Variants in LRRC3C observed in about 807,000 individuals in gnomAD.
LRRC3C encodes the protein leucine-rich repeat-containing protein 3C.
In LRRC3C, 11 loss-of-function variants were observed where a neutral mutation model predicts 14.8. The ratio of observed to expected loss-of-function variants is 0.74; its 90% CI spans 0.47 to 1.23. LRRC3C has a LOEUF of 1.23. Ranked by LOEUF, LRRC3C falls within the 50% of genes most tolerant of loss-of-function variation. The probability of loss-of-function intolerance (pLI) is 0.00; values close to 1 mark genes in which losing one functional copy is unlikely to be tolerated. For synonymous variants in LRRC3C, 149 were observed against 161.5 expected (o/e 0.92, Z 0.59); for missense variants, 354 against 361.8 (o/e 0.98, Z 0.18).
chr17:39,934,801 G>A (rs1438160256), intron 1 of LRRC3C: 2 of 152,226 alleles, frequency 1.3e-5, no homozygotes, highest in Non-Finnish European at 2.9e-5. Context: ...AGACAGAGCA[G>A]CCCCGAGGGC....
At chr17:39,931,557 A>G (rs969149269) in intron 1 of LRRC3C, among the ~76,000 whole-genome samples, 22 of 151,844 alleles carry the variant, frequency 1.4e-4, no homozygotes, top group African/African-American at 5.1e-4. Flanking sequence ...TGGACTGGGA[A>G]CCATAGGGAA....
intron 3 of LRRC3C, among the ~76,000 whole-genome samples, chr17:39,942,039 C>T (rs1286415643): frequency 6.6e-6 from 1 of 152,182 alleles, no homozygotes; most frequent in Admixed American, 6.5e-5. Flanking sequence ...GGGTCATCCA[C>T]ATGGATCACA....
intron 3 of LRRC3C, among the ~76,000 whole-genome samples, chr17:39,942,884 C>A (rs1978975776): frequency 6.6e-6 from 1 of 152,142 alleles, no homozygotes; most frequent in Non-Finnish European, 1.5e-5. Flanking sequence ...CCAGTTCTGC[C>A]CGCCAGGCCT....
Position 39,944,793 on chromosome 17 carries a change from G to T in LRRC3C, c.*59G>T. On this transcript the variant is annotated 3_prime_UTR_variant, in exon 4 of 4. Coordinates refer to ENST00000377924, the MANE Select transcript of LRRC3C (RefSeq NM_001195545.2). ...CTCCTGCCCCTATGCCCTCTCCTTT[G>T]CTCTGACCCCCTCTGCCTCCTGTGC... is the stretch of plus-strand genomic sequence containing the variant. 1 of 1,474,886 alleles carries T rather than the reference G, an allele frequency of 6.8e-7. No homozygotes were observed. Among genetic ancestry groups the T allele is most frequent in the South Asian group, 1.3e-5 (1 of 79,894 alleles). The allele number at this position is 1,474,886 out of a possible 1,614,324, so 91.4% of individuals were successfully genotyped here. A position where few individuals can be genotyped will look rare whatever the true frequency, so the allele number is the denominator to read the frequency against.
At chr17:39,934,473 T>G (rs1381873180) in intron 1 of LRRC3C, 1 of 152,086 alleles carries the variant, frequency 6.6e-6, no homozygotes, top group Non-Finnish European at 1.5e-5. Flanking sequence ...AGCTCCTCCC[T>G]CAGTAACAAT....
intron 2 of LRRC3C, chr17:39,939,389 G>T: frequency 1.0e-6 from 1 of 985,410 alleles, no homozygotes; most frequent in Non-Finnish European, 1.2e-6. Context: ...GCATTGTGGA[G>T]ACATGTCTGT....
intron 1 of LRRC3C, among the ~76,000 whole-genome samples, chr17:39,932,527 A>AC (rs147624649): frequency 0.078 from 5,556 of 71,268 alleles, 126 homozygotes; most frequent in Non-Finnish European, 0.089. Context: ...ACGTAATGAG[A>AC]CCCCCCCCCC....
chr17:39,931,521 G>A (rs1451286157), intron 1 of LRRC3C, among the ~76,000 whole-genome samples: 3 of 150,822 alleles, frequency 2.0e-5, no homozygotes, highest in Non-Finnish European at 2.9e-5. Context: ...AAATGATACA[G>A]TGATTGCATT....
chr17:39,931,057 G>A (rs1978637181), intron 1 of LRRC3C, among the ~76,000 whole-genome samples: 2 of 149,944 alleles, frequency 1.3e-5, no homozygotes, highest in Admixed American at 6.7e-5. Context: ...CAGGAGAATC[G>A]CTTGAACCCA....
In LRRC3C at chr17:39,935,797, T is replaced by C; in HGVS notation, c.-174-5T>C. On this transcript the variant is annotated splice_polypyrimidine_tract_variant and splice_region_variant and intron_variant, in intron 1 of 3. Transcript: ENST00000377924. ...TATGTATACACCCCTTGCTCTTTTC[T>C]ACAGGGAACAACAATAGCAGAGGCC... 2 of 985,318 alleles carry C rather than the reference T, an allele frequency of 2.0e-6. No homozygotes were observed. Among genetic ancestry groups the C allele is most frequent in the Non-Finnish European group, 2.4e-6 (2 of 829,824 alleles). 61.0% of individuals were successfully genotyped at this position (985,318 alleles called of 1,614,324 possible).
chr17:39,927,755 G>C lies in LRRC3C; in HGVS notation c.-234G>C, dbSNP rs773579397. 1.6e-4 allele frequency: 153 copies of C among 985,396 alleles called. No individual in the cohort carries two copies. Among genetic ancestry groups the C allele is most frequent in the Non-Finnish European group, 7.3e-5 (61 of 829,984 alleles). 61.0% of individuals were successfully genotyped at this position (985,396 alleles called of 1,614,324 possible). A position where few individuals can be genotyped will look rare whatever the true frequency, so the allele number is the denominator to read the frequency against. Reference sequence around the variant, plus strand: ...CTGGGCTCCGTTCCCGGCCTCTTCGGGGACGCACGGTTGGAAGTTGTACCG... The same window carrying C: ...CTGGGCTCCGTTCCCGGCCTCTTCGCGGACGCACGGTTGGAAGTTGTACCG... On this transcript the variant is annotated 5_prime_UTR_variant, in exon 1 of 4. Coordinates refer to ENST00000377924, the MANE Select transcript of LRRC3C (RefSeq NM_001195545.2).
intron 1 of LRRC3C, 40 bp downstream of exon 1, chr17:39,927,854 G>C: frequency 1.0e-6 from 1 of 985,668 alleles, no homozygotes; most frequent in Non-Finnish European, 1.2e-6. Context: ...TGCCCTTCAA[G>C]TGTATTTTAT....
At chr17:39,931,771 T>C (rs1306231712) in intron 1 of LRRC3C, among the ~76,000 whole-genome samples, 1 of 272 alleles carries the variant, frequency 3.7e-3, no homozygotes, top group Non-Finnish European at 0.013. Flanking sequence ...TGCCTCAGCC[T>C]CCCGAGTGGG....
At chr17:39,936,441 T>C (rs1022239449) in intron 2 of LRRC3C, among the ~76,000 whole-genome samples, 1 of 151,946 alleles carries the variant, frequency 6.6e-6, no homozygotes, top group African/African-American at 2.4e-5. Flanking sequence ...CCATAACTGG[T>C]TTTCCTGCCA....
chr17:39,943,863 G>C, intron 3 of LRRC3C, 70 bp from the exon 4 acceptor site: 1 of 1,475,260 alleles, frequency 6.8e-7, no homozygotes, highest in Non-Finnish European at 9.1e-7. Context: ...ACCTCGGGAG[G>C]AGAAAGCTGG....
intron 1 of LRRC3C, among the ~76,000 whole-genome samples, chr17:39,930,396 TAAAAAAAAAAAAAA>T (rs34932103): frequency 1.0e-4 from 5 of 48,612 alleles, no homozygotes; most frequent in South Asian, 2.1e-3. Flanking sequence ...AAACTGACTT[TAAAAAAAAAAAAAA>T]AAAAAAAAAA....
intron 1 of LRRC3C, among the ~76,000 whole-genome samples, chr17:39,930,346 AT>A (rs1215626650): frequency 7.1e-6 from 1 of 141,344 alleles, no homozygotes; most frequent in African/African-American, 2.6e-5. Flanking sequence ...AAATTAAATG[AT>A]ATATCAACTA....
chr17:39,939,101 A>G (rs1978874869), intron 2 of LRRC3C, among the ~76,000 whole-genome samples: 1 of 152,118 alleles, frequency 6.6e-6, no homozygotes, highest in Non-Finnish European at 1.5e-5. Context: ...CTGTCCCACA[A>G]ACCTATTCTG....
chr17:39,937,860 G>C (rs544530977), intron 2 of LRRC3C, among the ~76,000 whole-genome samples: 1 of 152,068 alleles, frequency 6.6e-6, no homozygotes, highest in South Asian at 2.1e-4. Flanking sequence ...GGCCAGGCAC[G>C]GTGGCTCACT....
Sources: gnomAD v4.1 joint callset for allele counts (sites outside exome capture counted in the v4.1 genomes callset) on GRCh38, gnomAD v4.1.1 for gene constraint, MANE v1.5 for transcripts, NCBI Gene and HGNC (gene_info 2026-07-23, HGNC 2026-07-21) for gene names.